Variants in TMEM235 observed in about 807,000 individuals in gnomAD.
The protein encoded by TMEM235 is claudin-27.
A neutral mutation model predicts 22.9 loss-of-function variants in TMEM235; 23 were observed. That is an observed-to-expected ratio of 1.00 (90% CI 0.72 to 1.42). The LOEUF (loss-of-function observed/expected upper bound fraction) is 1.42. Ranked by LOEUF, TMEM235 falls within the 40% of genes most tolerant of loss-of-function variation. The pLI is 0.00. For missense variants in TMEM235, 308 were observed against 299.5 expected (o/e 1.03, Z -0.21); for synonymous variants, 137 against 140.5 (o/e 0.98, Z 0.17).
rs762037073 is a variant in TMEM235, at chr17:78,239,274, G to A, written c.659+1G>A. ...TGAGTCCCCAGCAGGTGGGAGGGAG[G>A]TAAGAGGGGGCTGGGTTTCCCTTTG... On this transcript the variant is annotated splice_donor_variant, in intron 5 of 5. Transcript: ENST00000421688. LOFTEE classifies it high-confidence loss of function. 198 of 1,538,636 alleles carry A rather than the reference G, an allele frequency of 1.3e-4. 3 individuals carry two copies. In the South Asian group the frequency reaches 1.8e-3, roughly 14 times the overall value.
chr17:78,240,222 T>A, exon 6 of TMEM235: 1 of 478,682 alleles, frequency 2.1e-6, no homozygotes, highest in Non-Finnish European at 3.3e-6. Context: ...GGGGGTGTCA[T>A]GCCATGGTGG....
rs1449585429 is a variant in TMEM235, at chr17:78,237,760, T to G, written c.410-1264T>G. Reference sequence around the variant, plus strand: ...TTCATTCAATTTGGCTTCACATTCTTCCCCAAAATAAATCCATAATTTCTG... The same window carrying G: ...TTCATTCAATTTGGCTTCACATTCTGCCCCAAAATAAATCCATAATTTCTG... On this transcript the variant is annotated intron_variant, in intron 4 of 5. Transcript: ENST00000421688. The surrounding 1 kb of genome is among the most constrained non-coding windows in gnomAD (Gnocchi z 4.7). Among the ~76,000 whole-genome samples, 3 of 152,010 alleles carry G rather than the reference T, an allele frequency of 2.0e-5. No individual in the cohort carries two copies. The highest frequency in any genetic ancestry group is 1.5e-5 in the Non-Finnish European group (1 of 67,984).
chr17:78,236,635 C>G (rs2076647360), intron 4 of TMEM235, among the ~76,000 whole-genome samples: 1 of 152,244 alleles, frequency 6.6e-6, no homozygotes, highest in Non-Finnish European at 1.5e-5. Flanking sequence ...GGACTAGGGG[C>G]TCCTGACAGT....
chr17:78,235,475 C>T (rs998109803), intron 4 of TMEM235, among the ~76,000 whole-genome samples: 14 of 151,396 alleles, frequency 9.2e-5, no homozygotes, highest in Non-Finnish European at 4.4e-5. Context: ...TTGGTAGAGA[C>T]GGGGTCTCTC....
intron 2 of TMEM235, among the ~76,000 whole-genome samples, chr17:78,233,512 A>G (rs973126338): frequency 6.6e-6 from 1 of 151,964 alleles, no homozygotes; most frequent in African/African-American, 2.4e-5. Flanking sequence ...TCGAGACCAC[A>G]GTGAAACCCC....
chr17:78,239,238 CTG>C lies in TMEM235; in HGVS notation c.627_628del (p.Cys209TrpfsTer76). ...GGACCCTCAGCCTGAGCCCCCCAAT[CTG>C]TGGTCATCTGAGTCCCCAGCAGGTG... On this transcript the variant is annotated frameshift_variant, in exon 5 of 6. Transcript: ENST00000421688. LOFTEE classifies it low-confidence loss of function (END_TRUNC). The C allele has an allele frequency of 2.6e-6, 4 of 1,542,462 alleles. No homozygotes were observed. The highest frequency in any genetic ancestry group is 3.5e-6 in the Non-Finnish European group (4 of 1,146,920).
At chr17:78,239,868 G>A (rs930344865) in exon 6 of TMEM235, 2 of 1,551,380 alleles carry the variant, frequency 1.3e-6, no homozygotes, top group African/African-American at 2.7e-5. Flanking sequence ...GGCCTCCCTG[G>A]CCTCTGTTCT....
chr17:78,231,321 T>G, exon 1 of TMEM235: 7 of 1,083,414 alleles, frequency 6.5e-6, no homozygotes, highest in Non-Finnish European at 8.4e-6. Context: ...TCCTAGAAGG[T>G]TCTTTCTGCC....
chr17:78,239,721 T>C (rs1463877599), intron 5 of TMEM235, 59 bp from the exon 5 acceptor site: 3 of 1,500,134 alleles, frequency 2.0e-6, no homozygotes, highest in South Asian at 1.3e-5. Flanking sequence ...CTGGGCTCCA[T>C]GCTCCTCTCC....
At chr17:78,240,862 A>G (rs1390684153) in exon 6 of TMEM235, 2 of 152,170 alleles carry the variant, frequency 1.3e-5, no homozygotes, top group Non-Finnish European at 2.9e-5. Flanking sequence ...CATTGTGCCA[A>G]TTTGTCCTTA....
Position 78,238,332 on chromosome 17 carries a change from G to A in TMEM235, c.410-692G>A, listed in dbSNP as rs1474644719. Among the ~76,000 whole-genome samples, 1 of 152,062 alleles carries A rather than the reference G, an allele frequency of 6.6e-6. No homozygotes were observed. Among genetic ancestry groups the A allele is most frequent in the African/African-American group, 2.4e-5 (1 of 41,414 alleles). On this transcript the variant is annotated intron_variant, in intron 4 of 5. Coordinates refer to ENST00000421688, the Ensembl canonical transcript of TMEM235. This position sits in a 1 kb window ranked among gnomAD's most constrained non-coding sequence, Gnocchi z 4.3. ...ACCATGTGGAGAGCGGGAGGGAGGA[G>A]AGAGGAGGGCCCAGGGCAGGCATCC...
intron 4 of TMEM235, 72 bp downstream of exon 3, chr17:78,234,802 GCCTCTCCTGTTGC>G: frequency 3.3e-6 from 5 of 1,515,842 alleles, no homozygotes; most frequent in Non-Finnish European, 4.4e-6. Context: ...GTGGGGTGCT[GCCTCTCCTGTTGC>G]CCTCGTCCCC....
chr17:78,240,148 C>A, exon 6 of TMEM235: 1 of 1,102,942 alleles, frequency 9.1e-7, no homozygotes, highest in Non-Finnish European at 1.2e-6. Flanking sequence ...GGGAGGTATG[C>A]CACTGTGAGT....
chr17:78,234,660 C>T lies in TMEM235; in HGVS notation c.339C>T (p.Cys113=), dbSNP rs1451258601. Reference sequence around the variant, plus strand: ...TCCTTCTCGTGTGTGGCTGGATCTGCGGCCTGCTCAGCTCCCTGGCCCAGA... The same window carrying T: ...TCCTTCTCGTGTGTGGCTGGATCTGTGGCCTGCTCAGCTCCCTGGCCCAGA... Residue 113 remains cysteine (C), a synonymous_variant, in exon 4 of 6, where the codon TGC becomes TGT. Coordinates refer to ENST00000421688, the Ensembl canonical transcript of TMEM235. The T allele has an allele frequency of 1.6e-5, 24 of 1,536,062 alleles. No individual in the cohort carries two copies. In the East Asian group the frequency reaches 4.2e-4, roughly 27 times the overall value.
At chr17:78,234,751 G>A in intron 4 of TMEM235, 21 bp downstream of exon 3, 2 of 1,535,982 alleles carry the variant, frequency 1.3e-6, no homozygotes, top group Non-Finnish European at 1.7e-6. Flanking sequence ...GGCCCTGGGG[G>A]AATGGCTCCA....
In TMEM235 at chr17:78,237,362, G is replaced by A. The variant is rs1157817939; in HGVS notation, c.410-1662G>A. 1.3e-5 allele frequency among the ~76,000 whole-genome samples: 2 copies of A among 152,166 alleles called. No homozygotes were observed. Among genetic ancestry groups the A allele is most frequent in the Non-Finnish European group, 2.9e-5 (2 of 68,008 alleles). The stretch of plus-strand genomic sequence containing the variant: ...GCCTGGGGGACCGACAGGGCCCACG[G>A]TGACAGAGTCCTTTAGAGTTTCCCA... On this transcript the variant is annotated intron_variant, in intron 4 of 5. Coordinates refer to ENST00000421688, the Ensembl canonical transcript of TMEM235. This position sits in a 1 kb window ranked among gnomAD's most constrained non-coding sequence, Gnocchi z 4.7.
exon 2 of TMEM235, chr17:78,232,081 G>C (rs2076587792): frequency 6.9e-7 from 1 of 1,459,058 alleles, no homozygotes; most frequent in Non-Finnish European, 9.0e-7. Context: ...GCTCAGCTTC[G>C]CGCTCCTGGC....
At chr17:78,235,695 G>A (rs1449362054) in intron 4 of TMEM235, among the ~76,000 whole-genome samples, 2 of 146,602 alleles carry the variant, frequency 1.4e-5, no homozygotes, top group Non-Finnish European at 3.0e-5. Context: ...CTGCCTCCCA[G>A]GTTCATGCCA....
intron 2 of TMEM235, among the ~76,000 whole-genome samples, chr17:78,232,832 G>A (rs2076598894): frequency 6.6e-6 from 1 of 152,228 alleles, no homozygotes; most frequent in Non-Finnish European, 1.5e-5. Flanking sequence ...GAGCATGTGT[G>A]TGCATCTGAA....
Sources: gnomAD v4.1 joint callset for allele counts (sites outside exome capture counted in the v4.1 genomes callset) on GRCh38, gnomAD v4.1.1 for gene constraint, Gnocchi (gnomAD v3.1) non-coding constraint, MANE v1.5 for transcripts, NCBI Gene and HGNC (gene_info 2026-07-23, HGNC 2026-07-21) for gene names.